Variants in TRIM23 observed in about 807,000 individuals in gnomAD.
The protein encoded by TRIM23 is E3 ubiquitin-protein ligase TRIM23.
A neutral mutation model predicts 71.0 loss-of-function variants in TRIM23; 27 were observed. That is an observed-to-expected ratio of 0.38 (90% CI 0.28 to 0.52). The LOEUF (loss-of-function observed/expected upper bound fraction) is 0.52. Among genes scored for constraint, TRIM23 ranks in the 20% least tolerant of loss-of-function variants. The pLI, the probability that TRIM23 is intolerant of heterozygous loss-of-function variation, is 0.84. For synonymous variants in TRIM23, 234 were observed against 238.0 expected (o/e 0.98, Z 0.16); for missense variants, 482 against 692.3 (o/e 0.70, Z 3.41).
At chr5:65,602,516 C>T (rs1186033821) in intron 7 of TRIM23, among the ~76,000 whole-genome samples, 1 of 152,160 alleles carries the variant, frequency 6.6e-6, no homozygotes, top group African/African-American at 2.4e-5. Flanking sequence ...ACTGTTCCAC[C>T]CTCTACCTGT....
Position 65,611,651 on chromosome 5 carries a change from T to G in TRIM23, c.597A>C (p.Pro199=), listed in dbSNP as rs765951509. 1.9e-6 allele frequency: 3 copies of G among 1,614,024 alleles called. No individual in the cohort carries two copies. Among genetic ancestry groups the G allele is most frequent in the Non-Finnish European group, 2.5e-6 (3 of 1,180,032 alleles). ...VCLEEGCQTS[P]LMCCVCKEYG... ...ATTCTTTGCAGACACAGCACATGAG[T>G]GGGCTAGTTTGACAACCTTCTTCCA... Residue 199 remains proline, a synonymous_variant, in exon 4 of 11, where the codon CCA becomes CCC. Coordinates refer to ENST00000231524, the MANE Select transcript of TRIM23 (RefSeq NM_001656.4).
At chr5:65,595,529 T>C (rs536253685) in intron 9 of TRIM23, among the ~76,000 whole-genome samples, 9 of 136,036 alleles carry the variant, frequency 6.6e-5, no homozygotes, top group African/African-American at 2.3e-4. Context: ...CTGCACTCCA[T>C]CCTGGGCGAC....
chr5:65,593,938 A>T (rs867744880), intron 10 of TRIM23, among the ~76,000 whole-genome samples: 3 of 152,212 alleles, frequency 2.0e-5, no homozygotes, highest in African/African-American at 4.8e-5. Context: ...TTACCCACTA[A>T]TCCAACATTT....
At chr5:65,611,186 C>T (rs1754639557) in intron 4 of TRIM23, 143 bp from the exon 5 acceptor site, 1 of 750,930 alleles carries the variant, frequency 1.3e-6, no homozygotes, top group Admixed American at 3.6e-5. Context: ...TACTTTCACT[C>T]CTTTATAAGA....
At chr5:65,600,757 G>T (rs1754341188) in intron 7 of TRIM23, among the ~76,000 whole-genome samples, 1 of 151,970 alleles carries the variant, frequency 6.6e-6, no homozygotes, top group Admixed American at 6.6e-5. Flanking sequence ...ATCTGATAGG[G>T]AATTAATATC....
At chr5:65,610,796 A>T in intron 5 of TRIM23, 65 bp downstream of exon 5, 1 of 1,390,242 alleles carries the variant, frequency 7.2e-7, no homozygotes, top group Non-Finnish European at 9.8e-7. Context: ...TTAATTACTT[A>T]GTAGAAGGTG....
rs1404018583 is a variant in TRIM23, at chr5:65,598,475, G to A, written c.1180-1295C>T. ...TTCAACAACACATTAGGCCGGGCGT[G>A]GTGGCTCATGCCTGTAATCCCAGCA... On this transcript the variant is annotated intron_variant, in intron 7 of 10. Transcript: ENST00000231524. Among the ~76,000 whole-genome samples, 4 of 152,214 alleles carry A rather than the reference G, an allele frequency of 2.6e-5. No individual in the cohort carries two copies. In the South Asian group the frequency reaches 6.2e-4, roughly 24 times the overall value.
At chr5:65,616,286 T>A (rs1209395912) in intron 2 of TRIM23, among the ~76,000 whole-genome samples, 1 of 152,140 alleles carries the variant, frequency 6.6e-6, no homozygotes, top group Non-Finnish European at 1.5e-5. Context: ...TCTAGTTTTG[T>A]TAAACATTGA....
intron 2 of TRIM23, among the ~76,000 whole-genome samples, chr5:65,614,527 G>C (rs956134373): frequency 5.9e-5 from 9 of 152,112 alleles, no homozygotes; most frequent in African/African-American, 2.2e-4. Context: ...TTAAGGCCAG[G>C]AGTTCAAGAC....
intron 2 of TRIM23, among the ~76,000 whole-genome samples, chr5:65,617,523 A>G (rs74749943): frequency 5.3e-5 from 8 of 152,322 alleles, no homozygotes; most frequent in Admixed American, 2.0e-4. Flanking sequence ...TTATTTCCAA[A>G]TCTGGTATCT....
intron 6 of TRIM23, 82 bp from the exon 7 acceptor site, chr5:65,605,127 A>G: frequency 1.5e-6 from 2 of 1,324,312 alleles, no homozygotes; most frequent in Non-Finnish European, 2.0e-6. Context: ...CTCACAATAA[A>G]AGCAGTTTTA....
intron 6 of TRIM23, 55 bp from the exon 7 acceptor site, chr5:65,605,100 G>A: frequency 7.4e-6 from 11 of 1,488,506 alleles, no homozygotes; most frequent in African/African-American, 1.4e-5. Context: ...ATAAGGAAAA[G>A]AGACTTATAT....
At chr5:65,599,649 G>A (rs1388265437) in intron 7 of TRIM23, among the ~76,000 whole-genome samples, 4 of 152,150 alleles carry the variant, frequency 2.6e-5, no homozygotes, top group Non-Finnish European at 5.9e-5. Context: ...AAAATATTAA[G>A]ATATGAATAA....
At chr5:65,604,415 A>G (rs13189031) in intron 7 of TRIM23, among the ~76,000 whole-genome samples, 1 of 152,068 alleles carries the variant, frequency 6.6e-6, no homozygotes, top group Admixed American at 6.6e-5. Flanking sequence ...TTTTAAAAAG[A>G]GTCCTTATCT....
In TRIM23 at chr5:65,618,177, T is replaced by C. The variant is rs1463128764; in HGVS notation, c.160A>G (p.Thr54Ala). The C allele has an allele frequency of 6.2e-6, 10 of 1,613,982 alleles. No homozygotes were observed. The highest frequency in any genetic ancestry group is 8.5e-6 in the Non-Finnish European group (10 of 1,179,990). Residue 54 changes from threonine to alanine, a missense_variant, in exon 2 of 11, where the codon ACC becomes GCC. Thr to Ala is a moderately conservative substitution (Grantham distance 58). Around this residue, in one of 2 missense-constraint regions of TRIM23, gnomAD observed 175 missense variants for 196.5 expected, o/e 0.89. Transcript: ENST00000231524. The stretch of plus-strand genomic sequence containing the variant: ...CGAGTGAGACAGTCATGACAGACGG[T>C]ATGGCCACAAAGCAAAAGACGGGGA... ...KVPRLLLCGH[T>A]VCHDCLTRLP...
chr5:65,591,639 A>T lies in TRIM23; in HGVS notation c.*130T>A. 2 of 880,962 alleles carry T rather than the reference A, an allele frequency of 2.3e-6. No homozygotes were observed. The highest frequency in any genetic ancestry group is 1.5e-6 in the Non-Finnish European group (1 of 672,992). The allele number at this position is 880,962 out of a possible 1,614,324, so 54.6% of individuals were successfully genotyped here. A position where few individuals can be genotyped will look rare whatever the true frequency, so the allele number is the denominator to read the frequency against. On this transcript the variant is annotated 3_prime_UTR_variant, in exon 11 of 11. Coordinates refer to ENST00000231524, the MANE Select transcript of TRIM23 (RefSeq NM_001656.4). ...CAAAGTACTGAATTCCCAATCCAAG[A>T]TTCCTTTATATATATATATATATAT...
At chr5:65,595,040 A>G (rs1367609871) in intron 9 of TRIM23, among the ~76,000 whole-genome samples, 1 of 152,216 alleles carries the variant, frequency 6.6e-6, no homozygotes, top group Non-Finnish European at 1.5e-5. Flanking sequence ...AAAGATAAAA[A>G]CCATCACCAT....
chr5:65,591,401 C>T lies in TRIM23; in HGVS notation c.*368G>A, dbSNP rs1476542403. ...CTTCACACAGAGGTCTCATTAGGCA[C>T]TCAATTGGCTATTCTTTTTTCACTG... On this transcript the variant is annotated 3_prime_UTR_variant, in exon 11 of 11. Transcript: ENST00000231524. The T allele has an allele frequency of 6.4e-7, 1 of 1,573,162 alleles. No individual in the cohort carries two copies.
intron 3 of TRIM23, 47 bp downstream of exon 3, chr5:65,614,051 G>A (rs1179668696): frequency 6.3e-7 from 1 of 1,593,052 alleles, no homozygotes; most frequent in Non-Finnish European, 8.5e-7. Context: ...TCTATTAAAA[G>A]AAAAATTCAT....
Sources: gnomAD v4.1 joint callset for allele counts (sites outside exome capture counted in the v4.1 genomes callset) on GRCh38, gnomAD v4.1.1 for gene constraint, gnomAD v4.1.1 regional missense constraint, MANE v1.5 for transcripts, NCBI Gene and HGNC (gene_info 2026-07-23, HGNC 2026-07-21) for gene names.